IKZF2: variants seen among roughly 807,000 people sequenced by gnomAD.
IKZF2 encodes zinc finger protein Helios.
Under a neutral mutation model 49.2 loss-of-function variants are expected in IKZF2, and 15 were observed. That is an observed-to-expected ratio of 0.30 (90% CI 0.20 to 0.47). The LOEUF is 0.47. Among genes scored for constraint, IKZF2 ranks in the 20% least tolerant of loss-of-function variants. IKZF2 has a pLI of 1.00. For missense variants in IKZF2, 567 were observed against 664.6 expected, an observed-to-expected ratio of 0.85 and a Z score of 1.61; for synonymous variants, 227 against 221.4, an observed-to-expected ratio of 1.03 and a Z score of -0.23.
intron 4 of IKZF2, among the ~76,000 whole-genome samples, chr2:213,139,364 T>C (rs528483560): frequency 4.6e-5 from 7 of 152,118 alleles, no homozygotes; most frequent in African/African-American, 1.2e-4. Context: ...GCTATCTCTA[T>C]TGTGATGCTG....
intron 4 of IKZF2, among the ~76,000 whole-genome samples, chr2:213,115,796 G>A (rs1329856132): frequency 1.3e-5 from 2 of 152,108 alleles, no homozygotes. Context: ...CCAAATGTCA[G>A]TAAACCAAAA....
At position 213,004,415 on chromosome 2, in the gene IKZF2, G is replaced by C. The variant is rs1012988231; in HGVS notation, c.*2945C>G. On this transcript the variant is annotated 3_prime_UTR_variant, in exon 9 of 9. Transcript: ENST00000434687. Reference sequence around the variant, plus strand: ...GAGCATGATTCATCACTGTCAGAGAGAGGCTAAGATAAAATTCTGGGCAAA... The same window carrying C: ...GAGCATGATTCATCACTGTCAGAGACAGGCTAAGATAAAATTCTGGGCAAA... 8 of 151,950 alleles carry C rather than the reference G, an allele frequency of 5.3e-5. No individual in the cohort carries two copies. Among genetic ancestry groups the C allele is most frequent in the African/African-American group, 1.9e-4 (8 of 41,516 alleles). 9.4% of individuals were successfully genotyped at this position (151,950 alleles called of 1,614,324 possible).
At chr2:213,040,930 C>T (rs1699574250) in intron 6 of IKZF2, among the ~76,000 whole-genome samples, 1 of 152,114 alleles carries the variant, frequency 6.6e-6, no homozygotes, top group East Asian at 1.9e-4. Flanking sequence ...CCAGCCTGGC[C>T]AACACGGTGA....
At chr2:213,057,234 G>T in intron 4 of IKZF2, 135 bp from the exon 5 acceptor site, 1 of 780,816 alleles carries the variant, frequency 1.3e-6, no homozygotes, top group Non-Finnish European at 2.0e-6. Context: ...ATCATCGAAT[G>T]CCATGTTAAT....
Position 213,005,107 on chromosome 2 carries a change from G to C in IKZF2, c.*2253C>G, listed in dbSNP as rs1490252679. ...AATGTTTCCTTAAATTGCAGTAAAA[G>C]ACAAAATTGTGAACCTTAAAATTAT... On this transcript the variant is annotated 3_prime_UTR_variant, in exon 9 of 9. Transcript: ENST00000434687. The C allele has an allele frequency of 7.1e-6, 1 of 140,108 alleles. No homozygotes were observed. Among genetic ancestry groups the C allele is most frequent in the African/African-American group, 2.6e-5 (1 of 38,280 alleles). 8.7% of individuals were successfully genotyped at this position (140,108 alleles called of 1,614,324 possible).
At chr2:213,099,849 G>A (rs1414684131) in intron 4 of IKZF2, among the ~76,000 whole-genome samples, 6 of 152,030 alleles carry the variant, frequency 3.9e-5, no homozygotes, top group Admixed American at 3.9e-4. Flanking sequence ...GATTAAATAA[G>A]ATAAAAGACA....
At chr2:213,066,611 G>T (rs1702189572) in intron 4 of IKZF2, among the ~76,000 whole-genome samples, 1 of 152,070 alleles carries the variant, frequency 6.6e-6, no homozygotes, top group African/African-American at 2.4e-5. Flanking sequence ...GTGAGAAAGA[G>T]AAAACTTGTG....
intron 6 of IKZF2, among the ~76,000 whole-genome samples, chr2:213,028,456 G>A (rs1344354473): frequency 2.0e-5 from 3 of 152,124 alleles, no homozygotes; most frequent in African/African-American, 7.2e-5. Flanking sequence ...CTCGATTTCA[G>A]GAGAAACCAA....
chr2:213,138,416 A>T (rs1052986309), intron 4 of IKZF2, among the ~76,000 whole-genome samples: 1 of 152,000 alleles, frequency 6.6e-6, no homozygotes, highest in African/African-American at 2.4e-5. Context: ...CACATCCCCA[A>T]ACAGAGAAAA....
intron 4 of IKZF2, among the ~76,000 whole-genome samples, chr2:213,103,339 AC>A: frequency 6.6e-6 from 1 of 152,290 alleles, no homozygotes; most frequent in Middle Eastern, 3.4e-3. Context: ...CAAAGCTTGG[AC>A]AGATAGCTTA....
chr2:213,040,177 T>G (rs1699477717), intron 6 of IKZF2, among the ~76,000 whole-genome samples: 1 of 152,010 alleles, frequency 6.6e-6, no homozygotes, highest in Non-Finnish European at 1.5e-5. Context: ...TTCTGTTTTT[T>G]TAACTTTTAT....
chr2:213,090,540 T>C (rs1705190075), intron 4 of IKZF2, among the ~76,000 whole-genome samples: 1 of 152,220 alleles, frequency 6.6e-6, no homozygotes, highest in Non-Finnish European at 1.5e-5. Flanking sequence ...AAAATGGTTT[T>C]ATATCATACT....
intron 4 of IKZF2, among the ~76,000 whole-genome samples, chr2:213,080,211 GA>G (rs1383005907): frequency 3.4e-5 from 2 of 58,346 alleles, no homozygotes; most frequent in Non-Finnish European, 8.0e-5. Context: ...GATAGATATG[GA>G]TATCTTGTCA....
intron 6 of IKZF2, among the ~76,000 whole-genome samples, chr2:213,042,031 A>G (rs184910155): frequency 6.6e-6 from 1 of 152,296 alleles, no homozygotes; most frequent in Admixed American, 6.5e-5. Context: ...CAGCACCAGG[A>G]GATTTAAAGA....
intron 4 of IKZF2, among the ~76,000 whole-genome samples, chr2:213,076,305 CTATA>C (rs917726311): frequency 2.6e-5 from 4 of 151,986 alleles, no homozygotes; most frequent in Non-Finnish European, 2.9e-5. Flanking sequence ...AACAAAACTA[CTATA>C]TAATCTCATT....
intron 8 of IKZF2, among the ~76,000 whole-genome samples, chr2:213,011,430 T>C (rs1695941835): frequency 6.6e-6 from 1 of 151,818 alleles, no homozygotes; most frequent in Admixed American, 6.6e-5. Context: ...GATAGGAGAA[T>C]TCCTGTGCAC....
chr2:213,142,344 T>C (rs951243803), intron 4 of IKZF2, among the ~76,000 whole-genome samples: 3 of 151,878 alleles, frequency 2.0e-5, no homozygotes, highest in Non-Finnish European at 4.4e-5. Flanking sequence ...TTATCAGAAA[T>C]CCCTATCTTT....
At chr2:213,019,375 T>G (rs1051411011) in intron 7 of IKZF2, among the ~76,000 whole-genome samples, 2 of 152,114 alleles carry the variant, frequency 1.3e-5, no homozygotes. Context: ...ATGGTTCTGT[T>G]TAAAAAGAGA....
intron 4 of IKZF2, among the ~76,000 whole-genome samples, chr2:213,126,039 C>T (rs1388202285): frequency 6.6e-6 from 1 of 152,140 alleles, no homozygotes; most frequent in East Asian, 1.9e-4. Context: ...CATGTTATAT[C>T]TTTCTCTACC....
Sources: gnomAD v4.1 joint callset for allele counts (sites outside exome capture counted in the v4.1 genomes callset) on GRCh38, gnomAD v4.1.1 for gene constraint, MANE v1.5 for transcripts, NCBI Gene and HGNC (gene_info 2026-07-23, HGNC 2026-07-21) for gene names.